APP: variants seen among roughly 807,000 people sequenced by gnomAD.
APP encodes the protein amyloid-beta precursor protein.
APP carries 31 observed loss-of-function variants against 101.4 expected under a neutral mutation model. That is an observed-to-expected ratio of 0.31 (90% CI 0.23 to 0.41). The LOEUF (loss-of-function observed/expected upper bound fraction) is 0.41. Ranked by LOEUF, APP falls within the 10% of genes least tolerant of loss-of-function variation. The pLI, the probability that APP is intolerant of heterozygous loss-of-function variation, is 1.00. For synonymous variants in APP, 366 were observed against 364.4 expected, an observed-to-expected ratio of 1.00 and a Z score of -0.05; for missense variants, 839 against 1,003.7, an observed-to-expected ratio of 0.84 and a Z score of 2.22.
chr21:26,014,160 ATGC>A (rs575413477), intron 6 of APP, among the ~76,000 whole-genome samples: 189 of 152,302 alleles, frequency 1.2e-3, no homozygotes, highest in African/African-American at 4.3e-3. Flanking sequence ...TTTGTACAGC[ATGC>A]TACTACTGAG....
chr21:25,964,122 G>A (rs1198794177), intron 11 of APP, among the ~76,000 whole-genome samples: 1 of 152,134 alleles, frequency 6.6e-6, no homozygotes, highest in East Asian at 1.9e-4. Flanking sequence ...TATGGCCAAG[G>A]AGTTATCCCA....
chr21:26,027,707 G>A (rs2044640400), intron 5 of APP, among the ~76,000 whole-genome samples: 1 of 152,122 alleles, frequency 6.6e-6, no homozygotes, highest in Admixed American at 6.5e-5. Flanking sequence ...CCGGATGCTG[G>A]CTATCTAGTT....
intron 6 of APP, among the ~76,000 whole-genome samples, chr21:26,005,293 A>C (rs1484863349): frequency 6.6e-6 from 1 of 152,116 alleles, no homozygotes; most frequent in African/African-American, 2.4e-5. Context: ...GTGCACATAT[A>C]ATCTCACCTA....
rs199905579 is a variant in APP at position 26,051,140 on chromosome 21, G to A, written c.522C>T (p.Cys174=). The A allele has an allele frequency of 9.9e-6, 16 of 1,613,956 alleles. No homozygotes were observed. Among genetic ancestry groups the A allele is most frequent in the South Asian group, 3.3e-5 (3 of 91,070 alleles). ...NLHDYGMLLP[C]GIDKFRGVEF... is the part of the protein sequence containing the mutation. ...CTACCCCTCGGAACTTGTCAATTCC[G>A]CAGGGCAGCAACATGCCGTAGTCAT... Residue 174 remains cysteine, a synonymous_variant, in exon 5 of 18, where the codon TGC becomes TGT. Transcript: ENST00000346798.
At chr21:26,029,082 G>A (rs1338630883) in intron 5 of APP, among the ~76,000 whole-genome samples, 5 of 152,116 alleles carry the variant, frequency 3.3e-5, no homozygotes, top group Non-Finnish European at 7.4e-5. Context: ...AGATTAGCAC[G>A]TTCAGCAAAA....
intron 5 of APP, among the ~76,000 whole-genome samples, chr21:26,032,790 T>C (rs1001114635): frequency 1.0e-4 from 7 of 69,032 alleles, no homozygotes; most frequent in Non-Finnish European, 1.6e-4. Flanking sequence ...GGCTTATTAT[T>C]TTAGAAAAAA....
chr21:25,901,835 G>GC lies in APP; in HGVS notation c.1963+3188_1963+3189insG, dbSNP rs374611057. Among the ~76,000 whole-genome samples the GC allele has an allele frequency of 6.2e-4, 94 of 151,668 alleles. 1 individual carries two copies. Among genetic ancestry groups the GC allele is most frequent in the African/African-American group, 2.2e-3 (89 of 41,314 alleles). On this transcript the variant is annotated intron_variant, in intron 15 of 17. Transcript: ENST00000346798. ...TTCATGACACCTCTTGCATGGCTCG[G>GC]GTCAAGGACCTGGTTTCCCTTTATT...
chr21:26,053,145 A>G, intron 4 of APP, 91 bp downstream of exon 4: 1 of 931,262 alleles, frequency 1.1e-6, no homozygotes, highest in South Asian at 1.3e-5. Flanking sequence ...TTATCAACAT[A>G]GCTGTTGCCT....
rs146480758 is a variant in APP, at chr21:26,056,093, G to A, written c.356-2745C>T. 1.3e-3 allele frequency among the ~76,000 whole-genome samples: 203 copies of A among 152,294 alleles called. 1 individual carries two copies. The highest frequency in any genetic ancestry group is 4.7e-3 in the African/African-American group (197 of 41,554). On this transcript the variant is annotated intron_variant, in intron 3 of 17. Transcript: ENST00000346798. ...ACTCTGTCACCCTGGCTGGAATGTA[G>A]TGGTTGGATCAATGGCTCACTGCAG...
In APP at chr21:26,117,150, TTGGGATTACA is replaced by T. The variant is rs572670339; in HGVS notation, c.58-5014_58-5005del. 5.3e-5 allele frequency among the ~76,000 whole-genome samples: 8 copies of T among 152,298 alleles called. No individual in the cohort carries two copies. In the South Asian group the frequency reaches 1.7e-3, roughly 32 times the overall value. On this transcript the variant is annotated intron_variant, in intron 1 of 17. Coordinates refer to ENST00000346798, the MANE Select transcript of APP (RefSeq NM_000484.4). ...CCTCCTGCCTCGGCCTCCCAAAATGTTGGGATTACAGGCATGAGCCACTGTGCCCAGCTTT... is the reference window on the plus strand; with the variant it reads ...CCTCCTGCCTCGGCCTCCCAAAATGTGGCATGAGCCACTGTGCCCAGCTTT...
intron 3 of APP, among the ~76,000 whole-genome samples, chr21:26,075,045 G>C (rs550036813): frequency 1.3e-5 from 2 of 152,264 alleles, no homozygotes; most frequent in African/African-American, 4.8e-5. Flanking sequence ...AAATGATTTT[G>C]CCATAATCTC....
intron 3 of APP, among the ~76,000 whole-genome samples, chr21:26,077,532 A>G (rs551806312): frequency 6.1e-4 from 93 of 152,306 alleles, no homozygotes; most frequent in Non-Finnish European, 1.0e-3. Context: ...GCATCCATCA[A>G]TACTGTATCT....
At chr21:26,003,527 C>T (rs1483026281) in intron 6 of APP, among the ~76,000 whole-genome samples, 1 of 152,120 alleles carries the variant, frequency 6.6e-6, no homozygotes, top group African/African-American at 2.4e-5. Context: ...TGAGATAATG[C>T]GGTCAGGAAT....
At chr21:25,888,741 A>G (rs532366007) in intron 17 of APP, among the ~76,000 whole-genome samples, 29 of 151,612 alleles carry the variant, frequency 1.9e-4, no homozygotes, top group African/African-American at 6.8e-4. Flanking sequence ...TGACATTTTA[A>G]GTCCAATGAG....
rs953698717 is a variant in APP, at chr21:25,955,622, C to T, written c.1587+5G>A. ...CTGCAGAAGATGATTATACCCCACG[C>T]TTACCTGGGACCGGATCTGAGCGGC... On this transcript the variant is annotated splice_donor_5th_base_variant and intron_variant, in intron 12 of 17. Transcript: ENST00000346798. The T allele has an allele frequency of 8.1e-6, 13 of 1,613,988 alleles. No individual in the cohort carries two copies. Among genetic ancestry groups the T allele is most frequent in the Non-Finnish European group, 1.1e-5 (13 of 1,180,002 alleles).
At chr21:26,023,217 G>A (rs1186892384) in intron 5 of APP, among the ~76,000 whole-genome samples, 3 of 152,012 alleles carry the variant, frequency 2.0e-5, no homozygotes, top group Non-Finnish European at 4.4e-5. Context: ...AGAATCACCT[G>A]GAAGGCTTAT....
rs1568829311 is a variant in APP at position 25,997,357 on chromosome 21, TAC to T, written c.1090+1_1090+2del. ...CCCTTCCCTCAGGTGAATGACAACG[TAC>T]GTTTAACAGGATCTCGGGCAAGAGG... On this transcript the variant is annotated splice_donor_variant, in intron 8 of 17. Transcript: ENST00000346798. LOFTEE classifies it high-confidence loss of function. 1.2e-6 allele frequency: 2 copies of T among 1,613,596 alleles called. No homozygotes were observed. The highest frequency in any genetic ancestry group is 1.6e-4 in the Middle Eastern group (1 of 6,062).
chr21:26,115,654 A>C (rs894709911), intron 1 of APP, among the ~76,000 whole-genome samples: 2 of 152,212 alleles, frequency 1.3e-5, no homozygotes, highest in Non-Finnish European at 2.9e-5. Context: ...GAAATGACTT[A>C]ATAAATGATA....
intron 17 of APP, among the ~76,000 whole-genome samples, chr21:25,891,426 A>C (rs140864382): frequency 3.3e-5 from 5 of 152,334 alleles, no homozygotes; most frequent in African/African-American, 9.6e-5. Flanking sequence ...AAAAAGTCTA[A>C]GAGTAATCAT....
Sources: allele counts gnomAD v4.1 joint callset (sites outside exome capture counted in the v4.1 genomes callset), GRCh38; gene constraint gnomAD v4.1.1; transcripts MANE v1.5; gene names NCBI Gene and HGNC (gene_info 2026-07-23, HGNC 2026-07-21).